The following XRCC6 variants were observed in gnomAD, a reference collection of about 807,000 sequenced individuals.
XRCC6 encodes X-ray repair cross complementing 6.
A neutral mutation model predicts 65.7 loss-of-function variants in XRCC6; 5 were observed. The ratio of observed to expected loss-of-function variants is 0.08; its 90% CI spans 0.04 to 0.16. The LOEUF is 0.16. Among genes scored for constraint, XRCC6 ranks in the 10% least tolerant of loss-of-function variants. The pLI is 1.00. For missense variants in XRCC6, 447 were observed against 738.1 expected (o/e 0.61, Z 4.57); for synonymous variants, 270 against 270.6 (o/e 1.00, Z 0.02).
intron 6 of XRCC6, among the ~76,000 whole-genome samples, chr22:41,642,116 C>T (rs1048855580): frequency 1.3e-5 from 2 of 152,122 alleles, no homozygotes; most frequent in African/African-American, 4.8e-5. Flanking sequence ...TTGATGGACA[C>T]TTAGGTCGCT....
chr22:41,636,590 C>T lies in XRCC6; in HGVS notation c.409C>T (p.His137Tyr). Residue 137 changes from histidine (H) to tyrosine (Y), a missense_variant, in exon 5 of 13, where the codon CAC becomes TAC. His to Tyr is a moderately conservative substitution (Grantham distance 83). Around this residue, in one of 4 missense-constraint regions of XRCC6, gnomAD observed 228 missense variants for 307.4 expected, o/e 0.74. Transcript: ENST00000360079. ...AAAACGTTTCCAAGACATGATGGGCCACGGATCTGACTACTCACTCAGTGA... is the reference window on the plus strand; with the variant it reads ...AAAACGTTTCCAAGACATGATGGGCTACGGATCTGACTACTCACTCAGTGA... ...GQKRFQDMMG[H>Y]GSDYSLSEVL... The T allele has an allele frequency of 1.2e-6, 2 of 1,613,990 alleles. No homozygotes were observed. Among genetic ancestry groups the T allele is most frequent in the Non-Finnish European group, 1.7e-6 (2 of 1,179,926 alleles).
At chr22:41,645,840 CTG>C (rs1051456562) in intron 6 of XRCC6, among the ~76,000 whole-genome samples, 1 of 151,630 alleles carries the variant, frequency 6.6e-6, no homozygotes, top group Non-Finnish European at 1.5e-5. Context: ...GGATTATAGA[CTG>C]TGCGTGCGCC....
intron 6 of XRCC6, among the ~76,000 whole-genome samples, chr22:41,640,745 G>T (rs1368015586): frequency 2.6e-5 from 4 of 152,082 alleles, no homozygotes; most frequent in African/African-American, 9.7e-5. Context: ...CAAGTATCTT[G>T]TCACCTCTTC....
At position 41,663,694 on chromosome 22, in the gene XRCC6, A is replaced by G; in HGVS notation, c.1709A>G (p.Lys570Arg). Residue 570 changes from lysine (K) to arginine (R), a missense_variant, in exon 13 of 13, where the codon AAG becomes AGG. Lys to Arg is a conservative substitution (Grantham distance 26). Around this residue, in one of 4 missense-constraint regions of XRCC6, gnomAD observed 201 missense variants for 374.1 expected, o/e 0.54. Coordinates refer to ENST00000360079, the MANE Select transcript of XRCC6 (RefSeq NM_001469.5). Reference sequence around the variant, plus strand: ...GAGGAGCTGAAGACCCACATCAGCAAGGGTACGCTGGGCAAGTTCACTGTG... The same window carrying G: ...GAGGAGCTGAAGACCCACATCAGCAGGGGTACGCTGGGCAAGTTCACTGTG... ...SEEELKTHIS[K>R]GTLGKFTVPM... 2.5e-6 allele frequency: 4 copies of G among 1,613,970 alleles called. No homozygotes were observed. The highest frequency in any genetic ancestry group is 3.4e-6 in the Non-Finnish European group (4 of 1,179,862).
intron 6 of XRCC6, among the ~76,000 whole-genome samples, chr22:41,644,154 A>G (rs183965006): frequency 8.3e-4 from 126 of 152,328 alleles, no homozygotes; most frequent in African/African-American, 2.9e-3. Flanking sequence ...CTCCAAAAAA[A>G]AAAAGAAAAA....
intron 3 of XRCC6, among the ~76,000 whole-genome samples, chr22:41,629,377 A>C (rs1397740517): frequency 6.6e-6 from 1 of 152,252 alleles, no homozygotes; most frequent in African/African-American, 2.4e-5. Context: ...AAAGGAATGA[A>C]TAATTGATAC....
At chr22:41,630,544 CAG>C (rs2067730047) in intron 3 of XRCC6, among the ~76,000 whole-genome samples, 1 of 144,360 alleles carries the variant, frequency 6.9e-6, no homozygotes, top group South Asian at 2.2e-4. Context: ...GTGTTTCTCA[CAG>C]AGGGGGATTT....
rs774001860 is a variant in XRCC6, at chr22:41,653,479, A to T, written c.1130-50A>T. ...GAAACTTTAGGGCTAAAAGAGAAGA[A>T]AGGAGGAAACCTTTTTAGGAGGCTA... is the stretch of plus-strand genomic sequence containing the variant. On this transcript the variant is annotated intron_variant, in intron 8 of 12. Coordinates refer to ENST00000360079, the MANE Select transcript of XRCC6 (RefSeq NM_001469.5). The T allele has an allele frequency of 8.6e-6, 13 of 1,518,318 alleles. No homozygotes were observed. The Admixed American group carries it at 1.0e-4, about 12-fold the overall frequency. 94.1% of individuals were successfully genotyped at this position (1,518,318 alleles called of 1,614,324 possible).
At chr22:41,622,913 C>G (rs988569284) in intron 2 of XRCC6, among the ~76,000 whole-genome samples, 1 of 151,380 alleles carries the variant, frequency 6.6e-6, no homozygotes, top group African/African-American at 2.4e-5. Flanking sequence ...CCACTGCATT[C>G]CAGCCTGGGT....
At chr22:41,658,818 C>G (rs956518478) in intron 11 of XRCC6, among the ~76,000 whole-genome samples, 6 of 152,106 alleles carry the variant, frequency 3.9e-5, no homozygotes, top group African/African-American at 1.2e-4. Context: ...GTAGTCCCAG[C>G]TACTCGGGAG....
chr22:41,637,448 T>C (rs2067821501), intron 5 of XRCC6, among the ~76,000 whole-genome samples, 160 bp from the exon 6 acceptor site: 1 of 152,224 alleles, frequency 6.6e-6, no homozygotes, highest in Non-Finnish European at 1.5e-5. Flanking sequence ...GAAGTCATTA[T>C]AGCAGTTGGT....
intron 2 of XRCC6, among the ~76,000 whole-genome samples, chr22:41,624,136 A>T (rs569401961): frequency 1.0e-3 from 158 of 151,992 alleles, no homozygotes; most frequent in African/African-American, 3.5e-3. Context: ...TGTAATCCCA[A>T]CACTTTGGGA....
At chr22:41,657,563 G>A (rs1461323206) in intron 10 of XRCC6, among the ~76,000 whole-genome samples, 3 of 150,136 alleles carry the variant, frequency 2.0e-5, no homozygotes, top group Non-Finnish European at 3.0e-5. Context: ...TTGTCACCCA[G>A]GTTTGATTGC....
Position 41,622,025 on chromosome 22 carries a change from T to G in XRCC6, c.21T>G (p.Tyr7Ter). The G allele has an allele frequency of 6.2e-7, 1 of 1,614,220 alleles. No homozygotes were observed. Among genetic ancestry groups the G allele is most frequent in the Non-Finnish European group, 8.5e-7 (1 of 1,180,034 alleles). ...CCAACATGTCAGGGTGGGAGTCATA[T>G]TACAAAACCGAGGGCGATGAAGAAG... Reference protein sequence around the residue: MSGWESYYKTEGDEEAE... With the variant: MSGWES The change falls in exon 2 of 13, where the codon TAT becomes TAG. Residue 7 changes from tyrosine (Y) to a stop codon, truncating the protein, a stop_gained. Transcript: ENST00000360079. LOFTEE classifies it high-confidence loss of function.
At chr22:41,638,003 A>G (rs2067828155) in intron 6 of XRCC6, among the ~76,000 whole-genome samples, 1 of 151,500 alleles carries the variant, frequency 6.6e-6, no homozygotes, top group African/African-American at 2.4e-5. Context: ...GCACTGCTAC[A>G]CATTGCTTAA....
At chr22:41,648,790 G>A (rs1229207349) in intron 7 of XRCC6, among the ~76,000 whole-genome samples, 1 of 151,994 alleles carries the variant, frequency 6.6e-6, no homozygotes, top group African/African-American at 2.4e-5. Flanking sequence ...TTTCCATTTT[G>A]GAAGTAACTA....
At chr22:41,621,951 T>A in intron 1 of XRCC6, 39 bp from the exon 2 acceptor site, 1 of 1,602,572 alleles carries the variant, frequency 6.2e-7, no homozygotes, top group Non-Finnish European at 8.5e-7. Context: ...TTTTTCGATT[T>A]AAATTTGCCT....
chr22:41,621,939 A>G (rs561790680), intron 1 of XRCC6, 51 bp from the exon 2 acceptor site: 6 of 1,570,070 alleles, frequency 3.8e-6, no homozygotes, highest in Non-Finnish European at 5.3e-6. Flanking sequence ...AGAGGTCGGT[A>G]TTTTTTCGAT....
At chr22:41,646,313 AAGC>A (rs886536112) in intron 6 of XRCC6, among the ~76,000 whole-genome samples, 35 of 152,030 alleles carry the variant, frequency 2.3e-4, no homozygotes, top group Admixed American at 3.3e-4. Context: ...GAAAAAAAAA[AAGC>A]AGAGACAAGA....
Sources: allele counts gnomAD v4.1 joint callset (sites outside exome capture counted in the v4.1 genomes callset), GRCh38; gene constraint gnomAD v4.1.1; regional missense constraint gnomAD v4.1.1; transcripts MANE v1.5; gene names NCBI Gene and HGNC (gene_info 2026-07-23, HGNC 2026-07-21).